The following TTC28 variants were observed in gnomAD, a reference collection of about 807,000 sequenced individuals.
TTC28 encodes the protein tetratricopeptide repeat protein 28.
TTC28 carries 61 observed loss-of-function variants against 198.0 expected under a neutral mutation model. The observed-to-expected ratio is 0.31, with a 90% confidence interval of 0.25 to 0.38. The LOEUF is 0.38. Ranked by LOEUF, TTC28 falls within the 10% of genes least tolerant of loss-of-function variation. The pLI, the probability that TTC28 is intolerant of heterozygous loss-of-function variation, is 1.00. For missense variants in TTC28, 2,678 were observed against 3,164.0 expected (o/e 0.85, Z 3.69); for synonymous variants, 1,171 against 1,297.8 (o/e 0.90, Z 2.10).
chr22:28,412,174 A>T (rs532186201), intron 2 of TTC28, among the ~76,000 whole-genome samples: 2 of 152,296 alleles, frequency 1.3e-5, no homozygotes, highest in South Asian at 4.1e-4. Context: ...ATATCTGAAG[A>T]TCTGTTCTTT....
At chr22:28,674,490 G>A (rs2051945503) in intron 1 of TTC28, among the ~76,000 whole-genome samples, 1 of 151,960 alleles carries the variant, frequency 6.6e-6, no homozygotes, top group African/African-American at 2.4e-5. Context: ...ATATTACTAT[G>A]CAATTATACA....
chr22:28,296,363 T>C (rs1262439829), intron 4 of TTC28, 35 bp from the exon 5 acceptor site: 42 of 1,479,084 alleles, frequency 2.8e-5, no homozygotes, highest in African/African-American at 4.3e-5. Context: ...AAGAAAAAAT[T>C]TCTCTAAGTT....
chr22:28,661,137 A>C (rs888197938), intron 1 of TTC28, among the ~76,000 whole-genome samples: 3 of 151,806 alleles, frequency 2.0e-5, no homozygotes, highest in Non-Finnish European at 1.5e-5. Context: ...ATACAAAATT[A>C]GCCGTGTGTG....
chr22:28,445,751 C>G (rs541176805), intron 2 of TTC28, among the ~76,000 whole-genome samples: 1 of 152,226 alleles, frequency 6.6e-6, no homozygotes, highest in African/African-American at 2.4e-5. Flanking sequence ...GAAAGGCTGT[C>G]TCTCACAATC....
intron 5 of TTC28, among the ~76,000 whole-genome samples, chr22:28,282,933 C>T (rs2044612500): frequency 6.6e-6 from 1 of 152,084 alleles, no homozygotes; most frequent in African/African-American, 2.4e-5. Flanking sequence ...CCTGGGTGTA[C>T]AATTTCTTTT....
At chr22:28,290,045 A>G (rs1373818794) in intron 5 of TTC28, among the ~76,000 whole-genome samples, 1 of 151,628 alleles carries the variant, frequency 6.6e-6, no homozygotes, top group African/African-American at 2.4e-5. Flanking sequence ...TTTTTTTTTT[A>G]AAGAAAACCT....
chr22:28,386,380 T>C (rs902482165), intron 2 of TTC28, among the ~76,000 whole-genome samples: 11 of 151,936 alleles, frequency 7.2e-5, no homozygotes, highest in African/African-American at 2.2e-4. Context: ...TGCTTATGCT[T>C]TTTCTTCCTG....
intron 12 of TTC28, among the ~76,000 whole-genome samples, chr22:28,047,499 G>T (rs900425222): frequency 1.1e-4 from 17 of 152,206 alleles, no homozygotes; most frequent in African/African-American, 4.1e-4. Context: ...GGACTAGAAA[G>T]GCACCTACCT....
intron 5 of TTC28, among the ~76,000 whole-genome samples, chr22:28,237,969 C>T (rs1209007202): frequency 6.6e-6 from 1 of 152,130 alleles, no homozygotes; most frequent in Non-Finnish European, 1.5e-5. Context: ...GAAGTCAGTA[C>T]TCATTCTTAT....
At chr22:28,471,591 G>T (rs1242565333) in intron 2 of TTC28, among the ~76,000 whole-genome samples, 1 of 152,020 alleles carries the variant, frequency 6.6e-6, no homozygotes, top group Non-Finnish European at 1.5e-5. Context: ...CACAACAAGG[G>T]AGCAATCACT....
At position 27,998,582 on chromosome 22, in the gene TTC28, C is replaced by T; in HGVS notation, c.5077G>A (p.Val1693Met). ...TGCGAGAAGGCCTTGCTGCTCTGCA[C>T]CACCTTCATGGCCTCCCCCAGGGCG... Reference protein sequence around the residue: ...SAALGEAMKVVQSSKAFSHPS... With the variant: ...SAALGEAMKVMQSSKAFSHPS... The change falls in exon 16 of 23, where the codon GTG (valine) becomes ATG (methionine). Residue 1693 changes from valine to methionine, a missense_variant. Val to Met is a conservative substitution (Grantham distance 21). Around this residue, in one of 8 missense-constraint regions of TTC28, gnomAD observed 314 missense variants for 442.7 expected, o/e 0.71. Coordinates refer to ENST00000397906, the MANE Select transcript of TTC28 (RefSeq NM_001145418.2). The T allele has an allele frequency of 6.4e-7, 1 of 1,550,774 alleles. No homozygotes were observed. The highest frequency in any genetic ancestry group is 8.7e-7 in the Non-Finnish European group (1 of 1,146,988).
chr22:28,530,501 G>A (rs1312059796), intron 2 of TTC28, among the ~76,000 whole-genome samples: 1 of 152,144 alleles, frequency 6.6e-6, no homozygotes, highest in Non-Finnish European at 1.5e-5. Context: ...TATTATCCAG[G>A]AGAACTTCCC....
rs1263766964 is a variant in TTC28 at position 28,392,547 on chromosome 22, C to T, written c.382-85904G>A. ...AGGTGCGGGATATAATCTCCTGGTG[C>T]GCCATTTTTTAAGCCCATCGGAAAA... On this transcript the variant is annotated intron_variant, in intron 2 of 22. Coordinates refer to ENST00000397906, the MANE Select transcript of TTC28 (RefSeq NM_001145418.2). Among the ~76,000 whole-genome samples, 3 of 152,254 alleles carry T rather than the reference C, an allele frequency of 2.0e-5. 1 individual carries two copies. In the South Asian group the frequency reaches 6.2e-4, roughly 32 times the overall value.
chr22:28,371,260 G>A (rs937808363), intron 2 of TTC28, among the ~76,000 whole-genome samples: 12 of 151,474 alleles, frequency 7.9e-5, no homozygotes, highest in Non-Finnish European at 1.2e-4. Flanking sequence ...GCTCATGGCT[G>A]TAGTCCCAGC....
chr22:28,631,586 TG>T lies in TTC28; in HGVS notation c.103-1757del, dbSNP rs1426988329. Among the ~76,000 whole-genome samples, 8 of 152,224 alleles carry T rather than the reference TG, an allele frequency of 5.3e-5. No homozygotes were observed. In the East Asian group the frequency reaches 1.4e-3, roughly 26 times the overall value. Reference sequence around the variant, plus strand: ...TCACCCAGGCTGGAGTGCAGTGGTGTGATCAGAGCTCACTGCAGCCTCAAAC... The same window carrying T: ...TCACCCAGGCTGGAGTGCAGTGGTGTATCAGAGCTCACTGCAGCCTCAAAC... On this transcript the variant is annotated intron_variant, in intron 1 of 22. Coordinates refer to ENST00000397906, the MANE Select transcript of TTC28 (RefSeq NM_001145418.2).
chr22:28,582,736 G>C (rs189230353), intron 2 of TTC28, among the ~76,000 whole-genome samples: 11 of 152,062 alleles, frequency 7.2e-5, no homozygotes, highest in Non-Finnish European at 1.3e-4. Context: ...TTAAAAACAA[G>C]AACTCTATTC....
At chr22:28,375,069 C>G (rs1307723048) in intron 2 of TTC28, among the ~76,000 whole-genome samples, 1 of 150,936 alleles carries the variant, frequency 6.6e-6, no homozygotes, top group Non-Finnish European at 1.5e-5. Context: ...GCCTGGATGG[C>G]AGAACAAGAC....
At chr22:28,188,018 C>T (rs571977911) in intron 5 of TTC28, among the ~76,000 whole-genome samples, 1 of 152,278 alleles carries the variant, frequency 6.6e-6, no homozygotes, top group South Asian at 2.1e-4. Flanking sequence ...ACATTGAGTG[C>T]CTACTATGTG....
chr22:28,537,884 G>A (rs2049330139), intron 2 of TTC28, among the ~76,000 whole-genome samples: 1 of 151,986 alleles, frequency 6.6e-6, no homozygotes. Flanking sequence ...TTGTTGCCCA[G>A]CTATGGGAGG....
Sources: allele counts gnomAD v4.1 joint callset (sites outside exome capture counted in the v4.1 genomes callset), GRCh38; gene constraint gnomAD v4.1.1; regional missense constraint gnomAD v4.1.1; transcripts MANE v1.5; gene names NCBI Gene and HGNC (gene_info 2026-07-23, HGNC 2026-07-21).